FOLH1: variants seen among roughly 807,000 people sequenced by gnomAD.
FOLH1 encodes folate hydrolase 1.
Under a neutral mutation model 93.9 loss-of-function variants are expected in FOLH1, and 54 were observed. The ratio of observed to expected loss-of-function variants is 0.57; its 90% CI spans 0.46 to 0.72. The LOEUF (loss-of-function observed/expected upper bound fraction) is 0.72, where lower values mean the gene tolerates loss of function less well. Among genes scored for constraint, FOLH1 ranks in the 30% least tolerant of loss-of-function variants. The pLI is 0.00. For synonymous variants in FOLH1, 249 were observed against 303.6 expected (o/e 0.82, Z 1.87); for missense variants, 571 against 892.5 (o/e 0.64, Z 4.59).
chr11:49,190,917 T>C (rs546619558), intron 4 of FOLH1, among the ~76,000 whole-genome samples: 1 of 152,320 alleles, frequency 6.6e-6, no homozygotes, highest in South Asian at 2.1e-4. Context: ...TAAAATATAC[T>C]TTAAAAATCT....
chr11:49,197,868 T>C (rs1302509728), intron 3 of FOLH1, among the ~76,000 whole-genome samples: 2 of 152,024 alleles, frequency 1.3e-5, no homozygotes, highest in Non-Finnish European at 2.9e-5. Flanking sequence ...AATTAACTTA[T>C]AGTTGAATAA....
chr11:49,151,704 G>C (rs1856530723), intron 17 of FOLH1, among the ~76,000 whole-genome samples: 1 of 152,094 alleles, frequency 6.6e-6, no homozygotes, highest in South Asian at 2.1e-4. Context: ...AACAAATATA[G>C]AAATACTAAA....
intron 2 of FOLH1, among the ~76,000 whole-genome samples, chr11:49,201,893 G>T (rs1416130815): frequency 6.6e-6 from 1 of 152,170 alleles, no homozygotes; most frequent in Non-Finnish European, 1.5e-5. Context: ...ATAAGGCTTT[G>T]CTACTATTAA....
At chr11:49,205,844 T>C (rs575262381) in intron 2 of FOLH1, among the ~76,000 whole-genome samples, 2 of 152,366 alleles carry the variant, frequency 1.3e-5, no homozygotes, top group East Asian at 3.9e-4. Flanking sequence ...CTACAAAGGC[T>C]GGTCCTTGTA....
Position 49,146,590 on chromosome 11 carries a change from A to G in FOLH1, c.*166T>C. The G allele has an allele frequency of 1.7e-6, 1 of 583,524 alleles. No homozygotes were observed. Among genetic ancestry groups the G allele is most frequent in the South Asian group, 4.3e-5 (1 of 23,400 alleles). 36.1% of individuals were successfully genotyped at this position (583,524 alleles called of 1,614,324 possible). A position where few individuals can be genotyped will look rare whatever the true frequency, so the allele number is the denominator to read the frequency against. On this transcript the variant is annotated 3_prime_UTR_variant, in exon 19 of 19. Coordinates refer to ENST00000256999, the MANE Select transcript of FOLH1 (RefSeq NM_004476.3). ...AAATTCAGTTTTAATCCATAGGGAG[A>G]AGATAAACAATATAAACACACACAT...
intron 8 of FOLH1, among the ~76,000 whole-genome samples, chr11:49,175,455 G>A (rs1358831378): frequency 6.6e-6 from 1 of 152,166 alleles, no homozygotes; most frequent in African/African-American, 2.4e-5. Flanking sequence ...AAATTTCAGG[G>A]AGGGGAAGGA....
At chr11:49,175,174 T>G (rs1268042493) in intron 8 of FOLH1, among the ~76,000 whole-genome samples, 197 bp from the exon 9 acceptor site, 1 of 152,010 alleles carries the variant, frequency 6.6e-6, no homozygotes, top group South Asian at 2.1e-4. Context: ...AATATGAGAC[T>G]CAAACAAAGG....
chr11:49,145,881 T>A lies in FOLH1; in HGVS notation c.*875A>T, dbSNP rs1332890100. ...CCCTCATGTGAATGAATGCTCTATA[T>A]CAGCAAAATATGGCAAACTACAGCC... is the stretch of plus-strand genomic sequence containing the variant. On this transcript the variant is annotated 3_prime_UTR_variant, in exon 19 of 19. Transcript: ENST00000256999. 6.6e-6 allele frequency among the ~76,000 whole-genome samples: 1 copy of A among 152,152 alleles called. No homozygotes were observed. The highest frequency in any genetic ancestry group is 1.5e-5 in the Non-Finnish European group (1 of 68,026).
chr11:49,171,137 A>T, intron 11 of FOLH1, 58 bp downstream of exon 11: 1 of 1,483,196 alleles, frequency 6.7e-7, no homozygotes, highest in Non-Finnish European at 9.0e-7. Context: ...TGCTTGGCAA[A>T]TAAGTCCTGG....
At chr11:49,175,077 A>C in intron 8 of FOLH1, 100 bp from the exon 9 acceptor site, 1 of 1,068,032 alleles carries the variant, frequency 9.4e-7, no homozygotes. Flanking sequence ...TGAAGGTTCA[A>C]GTCTGGTAAA....
chr11:49,208,169 C>A, intron 1 of FOLH1, 123 bp downstream of exon 1: 1 of 721,408 alleles, frequency 1.4e-6, no homozygotes, highest in Admixed American at 2.9e-5. Context: ...ATTACCCCGA[C>A]CCTAATCGCC....
chr11:49,170,386 A>C (rs1037470257), intron 11 of FOLH1, among the ~76,000 whole-genome samples: 2 of 152,166 alleles, frequency 1.3e-5, no homozygotes, highest in African/African-American at 4.8e-5. Context: ...AGGCCGAGGC[A>C]GGCATATCAC....
chr11:49,167,043 C>CA (rs1554987333), intron 12 of FOLH1, among the ~76,000 whole-genome samples: 133 of 108,228 alleles, frequency 1.2e-3, no homozygotes, highest in Admixed American at 3.2e-3. Flanking sequence ...ACAACAACAA[C>CA]AACAAAAAAA....
chr11:49,183,661 C>T (rs72908309), intron 6 of FOLH1, among the ~76,000 whole-genome samples: 10,580 of 151,900 alleles, frequency 0.07, 422 homozygotes, highest in Middle Eastern at 0.11. Context: ...TAGTATAATC[C>T]CACAATGGAA....
intron 17 of FOLH1, among the ~76,000 whole-genome samples, chr11:49,150,632 CT>C (rs1485794231): frequency 6.6e-6 from 1 of 152,094 alleles, no homozygotes; most frequent in African/African-American, 2.4e-5. Context: ...TTACTTAAGT[CT>C]TTCAACAATA....
Position 49,164,765 on chromosome 11 carries a change from GTAGT to G in FOLH1, c.1376_1379del (p.Asn459ThrfsTer3). The G allele has an allele frequency of 6.3e-7, 1 of 1,598,354 alleles. No homozygotes were observed. ...GCGGTGTACAATCAACTCTCAGAGT[GTAGT>G]TTCCTGAAAAATAAGAAAAGAATAG... On this transcript the variant is annotated frameshift_variant, in exon 13 of 19. Transcript: ENST00000256999. LOFTEE classifies it high-confidence loss of function.
intron 8 of FOLH1, 62 bp from the exon 9 acceptor site, chr11:49,175,039 G>A (rs946650912): frequency 3.3e-5 from 49 of 1,463,016 alleles, no homozygotes; most frequent in Non-Finnish European, 4.3e-5. Context: ...AACACTATAA[G>A]GTTTAAGGGA....
rs528939972 is a variant in FOLH1, at chr11:49,203,115, T to C, written c.225-2674A>G. 2.6e-5 allele frequency among the ~76,000 whole-genome samples: 4 copies of C among 152,368 alleles called. No homozygotes were observed. In the South Asian group the frequency reaches 8.3e-4, roughly 32 times the overall value. ...ATAGATTAAGAAGTGTAGTTTAATA[T>C]GTGATTTCATTGGGCCTATATATTC... On this transcript the variant is annotated intron_variant, in intron 2 of 18. Coordinates refer to ENST00000256999, the MANE Select transcript of FOLH1 (RefSeq NM_004476.3).
chr11:49,155,070 A>G (rs1856867323), intron 15 of FOLH1, among the ~76,000 whole-genome samples: 1 of 152,004 alleles, frequency 6.6e-6, no homozygotes, highest in East Asian at 1.9e-4. Flanking sequence ...GGTAGAAGGA[A>G]GGACTTTTCA....
Sources: gnomAD v4.1 joint callset for allele counts (sites outside exome capture counted in the v4.1 genomes callset) on GRCh38, gnomAD v4.1.1 for gene constraint, MANE v1.5 for transcripts, NCBI Gene and HGNC (gene_info 2026-07-23, HGNC 2026-07-21) for gene names.